SHISA9: variants seen among roughly 807,000 people sequenced by gnomAD.
The protein encoded by SHISA9 is shisa family member 9.
In SHISA9, 13 loss-of-function variants were observed where a neutral mutation model predicts 38.0. The ratio of observed to expected loss-of-function variants is 0.34; its 90% CI spans 0.22 to 0.54. The LOEUF (loss-of-function observed/expected upper bound fraction) is 0.54. SHISA9 is among the 20% of genes least tolerant of loss of function. The pLI is 0.91. For synonymous variants in SHISA9, 275 were observed against 242.0 expected, an observed-to-expected ratio of 1.14 and a Z score of -1.27; for missense variants, 538 against 575.8, an observed-to-expected ratio of 0.93 and a Z score of 0.67.
intron 2 of SHISA9, among the ~76,000 whole-genome samples, chr16:13,008,310 C>A (rs552487872): frequency 3.2e-4 from 48 of 152,220 alleles, no homozygotes; most frequent in Admixed American, 4.6e-4. Flanking sequence ...GACATCACAT[C>A]CCCACTCCTG....
the SHISA9 span, among the ~76,000 whole-genome samples, chr16:13,408,590 T>C: frequency 3.9e-5 from 6 of 152,220 alleles, no homozygotes; most frequent in Non-Finnish European, 7.3e-5. Context: ...TTCATTGTTG[T>C]TAATGCTGTA....
intron 2 of SHISA9, among the ~76,000 whole-genome samples, chr16:13,124,813 C>T (rs556688049): frequency 6.6e-6 from 1 of 152,234 alleles, no homozygotes; most frequent in Non-Finnish European, 1.5e-5. Context: ...GTAACAAATC[C>T]ACACACTTGT....
chr16:13,017,992 G>T (rs911269105), intron 2 of SHISA9, among the ~76,000 whole-genome samples: 2 of 152,180 alleles, frequency 1.3e-5, no homozygotes, highest in African/African-American at 4.8e-5. Flanking sequence ...AAAAGAGAAC[G>T]TTCTGGACTT....
intron 2 of SHISA9, among the ~76,000 whole-genome samples, chr16:13,160,317 T>C (rs952211444): frequency 6.6e-6 from 1 of 151,996 alleles, no homozygotes; most frequent in Non-Finnish European, 1.5e-5. Context: ...TCTTGATTTG[T>C]TCAATCAGAT....
At chr16:13,205,115 T>G (rs1054929492) in intron 3 of SHISA9, among the ~76,000 whole-genome samples, 2 of 152,110 alleles carry the variant, frequency 1.3e-5, no homozygotes, top group African/African-American at 4.8e-5. Flanking sequence ...GGAGAGCAGG[T>G]AAAATATAAG....
At chr16:12,911,235 C>G in intron 1 of SHISA9, 1 of 983,752 alleles carries the variant, frequency 1.0e-6, no homozygotes, top group Non-Finnish European at 1.2e-6. Context: ...TTAACAAGAT[C>G]CCCAGGTGAT....
intron 2 of SHISA9, among the ~76,000 whole-genome samples, chr16:13,096,633 T>G (rs1156334923): frequency 1.3e-5 from 2 of 152,210 alleles, no homozygotes; most frequent in East Asian, 3.8e-4. Context: ...CAAAAGCCTT[T>G]CACGGTGCCC....
At chr16:13,232,786 G>A (rs1368516563) in intron 4 of SHISA9, among the ~76,000 whole-genome samples, 2 of 152,166 alleles carry the variant, frequency 1.3e-5, no homozygotes, top group African/African-American at 4.8e-5. Flanking sequence ...CAATAGAAAG[G>A]GAATGTTCAG....
chr16:13,232,230 A>G (rs1401347740), intron 4 of SHISA9, among the ~76,000 whole-genome samples: 1 of 152,230 alleles, frequency 6.6e-6, no homozygotes, highest in African/African-American at 2.4e-5. Context: ...TGAAAGTTCA[A>G]AAGTTTATTG....
intron 2 of SHISA9, among the ~76,000 whole-genome samples, chr16:13,019,884 C>CT (rs1227139524): frequency 0.012 from 248 of 20,898 alleles, 31 homozygotes; most frequent in Non-Finnish European, 0.016. Flanking sequence ...CCCTCCCTCC[C>CT]TTCTTTCTTT....
chr16:13,003,869 A>AAT (rs2072558732), intron 2 of SHISA9, among the ~76,000 whole-genome samples: 36 of 102,072 alleles, frequency 3.5e-4, no homozygotes, highest in African/African-American at 2.1e-3. Context: ...AAATAATAAT[A>AAT]ATAATAATAA....
At chr16:13,288,559 G>A in the SHISA9 span, among the ~76,000 whole-genome samples, 3 of 152,116 alleles carry the variant, frequency 2.0e-5, no homozygotes, top group African/African-American at 7.2e-5. Flanking sequence ...ATTTTGGGAG[G>A]CTGAGGCAGG....
intron 2 of SHISA9, among the ~76,000 whole-genome samples, chr16:13,177,306 A>T (rs2050739519): frequency 6.6e-6 from 1 of 152,172 alleles, no homozygotes. Context: ...ATGCTCATCC[A>T]TAGCAATACG....
chr16:13,479,151 A>T, the SHISA9 span, among the ~76,000 whole-genome samples: 2 of 152,114 alleles, frequency 1.3e-5, no homozygotes, highest in Non-Finnish European at 2.9e-5. Context: ...CACGGCGCCT[A>T]TCAGTTTCCT....
chr16:13,290,664 C>A, the SHISA9 span, among the ~76,000 whole-genome samples: 2 of 152,216 alleles, frequency 1.3e-5, no homozygotes, highest in Admixed American at 6.5e-5. Context: ...TGAAACACAA[C>A]CCCCTGCCTC....
the SHISA9 span, among the ~76,000 whole-genome samples, chr16:13,459,321 C>A: frequency 6.6e-6 from 1 of 152,186 alleles, no homozygotes; most frequent in East Asian, 1.9e-4. Flanking sequence ...TTCACTCTTC[C>A]TCTGGTGACA....
chr16:12,995,281 T>A (rs2141836217), intron 2 of SHISA9, among the ~76,000 whole-genome samples: 1 of 152,316 alleles, frequency 6.6e-6, no homozygotes, highest in East Asian at 1.9e-4. Context: ...AAGTTATTAT[T>A]GACTACAGTC....
intron 2 of SHISA9, among the ~76,000 whole-genome samples, chr16:13,189,718 G>C (rs917959463): frequency 6.6e-6 from 1 of 152,326 alleles, no homozygotes; most frequent in Non-Finnish European, 1.5e-5. Flanking sequence ...ACATAAAGGA[G>C]AGCAGAGGAT....
chr16:13,407,466 C>A, the SHISA9 span, among the ~76,000 whole-genome samples: 1 of 152,180 alleles, frequency 6.6e-6, no homozygotes, highest in Non-Finnish European at 1.5e-5. Flanking sequence ...GGCCTCACCT[C>A]CAAATACCAT....
Sources: allele counts gnomAD v4.1 joint callset (sites outside exome capture counted in the v4.1 genomes callset), GRCh38; gene constraint gnomAD v4.1.1; transcripts MANE v1.5; gene names NCBI Gene and HGNC (gene_info 2026-07-23, HGNC 2026-07-21).